The following GRM8 variants were observed in gnomAD, a reference collection of about 807,000 sequenced individuals.
GRM8 encodes the protein metabotropic glutamate receptor 8.
A neutral mutation model predicts 87.2 loss-of-function variants in GRM8; 47 were observed. The ratio of observed to expected loss-of-function variants is 0.54; its 90% CI spans 0.43 to 0.69. The LOEUF (loss-of-function observed/expected upper bound fraction) is 0.69, where lower values mean the gene tolerates loss of function less well. Ranked by LOEUF, GRM8 falls within the 30% of genes least tolerant of loss-of-function variation. GRM8 has a pLI of 0.00. For synonymous variants in GRM8, 396 were observed against 404.5 expected, an observed-to-expected ratio of 0.98 and a Z score of 0.25; for missense variants, 1,019 against 1,139.2, an observed-to-expected ratio of 0.89 and a Z score of 1.52.
At chr7:127,127,764 ATAT>A (rs1191096844) in intron 2 of GRM8, among the ~76,000 whole-genome samples, 1 of 152,176 alleles carries the variant, frequency 6.6e-6, no homozygotes, top group Admixed American at 6.6e-5. Flanking sequence ...CACTAGGTGC[ATAT>A]TATTATATGT....
At chr7:126,627,778 T>C (rs1196823590) in intron 7 of GRM8, among the ~76,000 whole-genome samples, 1 of 152,188 alleles carries the variant, frequency 6.6e-6, no homozygotes, top group Non-Finnish European at 1.5e-5. Context: ...CAATCTTTTT[T>C]CCTTTAATCT....
At chr7:126,919,831 C>A (rs894948820) in intron 3 of GRM8, among the ~76,000 whole-genome samples, 1 of 152,086 alleles carries the variant, frequency 6.6e-6, no homozygotes, top group Non-Finnish European at 1.5e-5. Flanking sequence ...CCACCTGATA[C>A]AACACCCTTT....
chr7:126,836,322 A>G (rs999387143), intron 6 of GRM8, among the ~76,000 whole-genome samples: 1 of 152,104 alleles, frequency 6.6e-6, no homozygotes. Flanking sequence ...AGAAAACAAA[A>G]ATTTCCTGGG....
chr7:127,178,626 A>C (rs1237226603), intron 2 of GRM8, among the ~76,000 whole-genome samples: 1 of 152,222 alleles, frequency 6.6e-6, no homozygotes, highest in East Asian at 1.9e-4. Flanking sequence ...CCTGTAAAGA[A>C]AAACCTATCA....
At chr7:126,578,144 A>G (rs893374170) in intron 8 of GRM8, among the ~76,000 whole-genome samples, 2 of 152,208 alleles carry the variant, frequency 1.3e-5, no homozygotes, top group African/African-American at 2.4e-5. Context: ...CCTGTTACAT[A>G]TAAAAAGCAA....
intron 9 of GRM8, among the ~76,000 whole-genome samples, chr7:126,507,607 C>CT (rs1438342986): frequency 6.6e-6 from 1 of 151,936 alleles, no homozygotes; most frequent in African/African-American, 2.4e-5. Context: ...TTTACTGGTA[C>CT]TTTTTTCTGT....
At chr7:126,566,527 CA>C (rs1794232153) in intron 8 of GRM8, among the ~76,000 whole-genome samples, 1 of 152,040 alleles carries the variant, frequency 6.6e-6, no homozygotes, top group Non-Finnish European at 1.5e-5. Flanking sequence ...ATCAAAAAAA[CA>C]ACCAATGTTG....
chr7:127,232,212 T>TGAGAGA (rs71177600), intron 2 of GRM8, among the ~76,000 whole-genome samples: 1 of 143,564 alleles, frequency 7.0e-6, no homozygotes, highest in Non-Finnish European at 1.5e-5. Context: ...TGTGTGTGTG[T>TGAGAGA]GAGAGAGAGA....
rs749784263 is a variant in GRM8, at chr7:127,242,758, G to T, written c.447C>A (p.Gly149=). Residue 149 remains glycine, a synonymous_variant, in exon 2 of 11, where the codon GGC becomes GGA. Transcript: ENST00000339582. ...PIFTKPDKIS[G]VIGAAASSVS... is the part of the protein sequence containing the mutation. ...CGGAGCTTGCTGCAGCACCTATGAC[G>T]CCAGAAATCTTGTCGGGCTTGGTGA... is the stretch of plus-strand genomic sequence containing the variant. 2.5e-6 allele frequency: 4 copies of T among 1,614,136 alleles called. No homozygotes were observed. Among genetic ancestry groups the T allele is most frequent in the Admixed American group, 3.3e-5 (2 of 60,026 alleles).
chr7:126,673,941 A>AGTATCAGT (rs1806667933), intron 7 of GRM8, among the ~76,000 whole-genome samples: 1 of 152,158 alleles, frequency 6.6e-6, no homozygotes, highest in Non-Finnish European at 1.5e-5. Context: ...CTTCACTGAT[A>AGTATCAGT]CTGCACACTG....
intron 7 of GRM8, among the ~76,000 whole-genome samples, chr7:126,618,512 T>C (rs4501525): frequency 0.13 from 19,713 of 151,882 alleles, 1,685 homozygotes; most frequent in Non-Finnish European, 0.17. Flanking sequence ...GCAACAAAAG[T>C]CAAAATTGAC....
intron 8 of GRM8, among the ~76,000 whole-genome samples, chr7:126,601,338 A>G (rs1268076217): frequency 6.6e-6 from 1 of 152,008 alleles, no homozygotes; most frequent in Non-Finnish European, 1.5e-5. Flanking sequence ...TCGTTGTTGG[A>G]CATTTGGGTT....
intron 3 of GRM8, among the ~76,000 whole-genome samples, chr7:127,076,888 G>C (rs1410347012): frequency 6.6e-6 from 1 of 152,150 alleles, no homozygotes; most frequent in East Asian, 1.9e-4. Context: ...GCTGTCTGTG[G>C]TTAAACAGTG....
In GRM8 at chr7:127,120,069, C is replaced by T. The variant is rs1010461641; in HGVS notation, c.511-13357G>A. ...TCACGCACACCAATCCCAGCATAAA[C>T]TGAAGATCATCTGGTGCACCAGGGG... is the stretch of plus-strand genomic sequence containing the variant. On this transcript the variant is annotated intron_variant, in intron 2 of 10. Transcript: ENST00000339582. 4.6e-5 allele frequency among the ~76,000 whole-genome samples: 7 copies of T among 152,180 alleles called. No homozygotes were observed. The East Asian group carries it at 1.3e-3, about 29-fold the overall frequency.
intron 6 of GRM8, among the ~76,000 whole-genome samples, chr7:126,867,212 TC>T (rs1467090318): frequency 1.3e-5 from 2 of 152,164 alleles, no homozygotes; most frequent in Admixed American, 1.3e-4. Context: ...GGTAGTGCTG[TC>T]CCACTAAGAA....
At chr7:126,898,928 T>C (rs1376477119) in intron 6 of GRM8, among the ~76,000 whole-genome samples, 1 of 151,892 alleles carries the variant, frequency 6.6e-6, no homozygotes, top group Non-Finnish European at 1.5e-5. Flanking sequence ...CACTCTCCTT[T>C]CACCCTCAAC....
At chr7:126,527,415 T>C (rs181220628) in intron 9 of GRM8, among the ~76,000 whole-genome samples, 2 of 152,286 alleles carry the variant, frequency 1.3e-5, no homozygotes, top group East Asian at 1.9e-4. Flanking sequence ...TAGCCTAAGA[T>C]AGTTATATGC....
At chr7:127,103,800 G>A (rs138754810) in intron 3 of GRM8, among the ~76,000 whole-genome samples, 1 of 152,068 alleles carries the variant, frequency 6.6e-6, no homozygotes, top group Non-Finnish European at 1.5e-5. Flanking sequence ...GATGCCTTGG[G>A]ATGACACTAT....
At chr7:126,831,209 C>T (rs932025311) in intron 6 of GRM8, among the ~76,000 whole-genome samples, 1 of 152,206 alleles carries the variant, frequency 6.6e-6, no homozygotes, top group African/African-American at 2.4e-5. Flanking sequence ...CAGCTGAGTG[C>T]TGGGAGAACC....
Sources: gnomAD v4.1 joint callset for allele counts (sites outside exome capture counted in the v4.1 genomes callset) on GRCh38, gnomAD v4.1.1 for gene constraint, MANE v1.5 for transcripts, NCBI Gene and HGNC (gene_info 2026-07-23, HGNC 2026-07-21) for gene names.